Variants in MIPOL1 observed in about 807,000 individuals in gnomAD.
MIPOL1 encodes the protein mirror-image polydactyly 1, also known as mirror-image polydactyly gene 1 protein.
In MIPOL1, 57 loss-of-function variants were observed where a neutral mutation model predicts 60.9. The ratio of observed to expected loss-of-function variants is 0.94; its 90% CI spans 0.76 to 1.17. The LOEUF (loss-of-function observed/expected upper bound fraction) is 1.17, where lower values mean the gene tolerates loss of function less well. Among genes scored for constraint, MIPOL1 ranks in the 50% most tolerant of loss-of-function variants. The probability of loss-of-function intolerance (pLI) is 0.00; values close to 1 mark genes in which losing one functional copy is unlikely to be tolerated. For synonymous variants in MIPOL1, 179 were observed against 168.8 expected (o/e 1.06, Z -0.47); for missense variants, 551 against 511.6 (o/e 1.08, Z -0.74).
At chr14:37,336,448 G>C (rs905937720) in intron 9 of MIPOL1, among the ~76,000 whole-genome samples, 1 of 150,100 alleles carries the variant, frequency 6.7e-6, no homozygotes, top group African/African-American at 2.4e-5. Flanking sequence ...TTCCAGCTAT[G>C]TCTATTCCAC....
At chr14:37,286,587 T>A (rs2084584835) in intron 7 of MIPOL1, among the ~76,000 whole-genome samples, 2 of 152,304 alleles carry the variant, frequency 1.3e-5, no homozygotes, top group South Asian at 4.2e-4. Flanking sequence ...TGTCCTAGGC[T>A]CTGTGGAGGA....
intron 1 of MIPOL1, among the ~76,000 whole-genome samples, chr14:37,209,995 C>A (rs1003711251): frequency 3.3e-5 from 5 of 152,024 alleles, no homozygotes; most frequent in African/African-American, 1.2e-4. Flanking sequence ...TGGTGTGAGC[C>A]ACTGCACCCT....
intron 11 of MIPOL1, among the ~76,000 whole-genome samples, chr14:37,437,740 A>T (rs922928699): frequency 2.0e-5 from 3 of 152,170 alleles, no homozygotes; most frequent in Non-Finnish European, 4.4e-5. Flanking sequence ...AATTGTAATT[A>T]TACCTGCCTC....
intron 11 of MIPOL1, among the ~76,000 whole-genome samples, chr14:37,485,253 T>TC (rs2094929868): frequency 1.3e-5 from 2 of 152,224 alleles, no homozygotes; most frequent in African/African-American, 4.8e-5. Context: ...TTGGGTTGAT[T>TC]CCAAGTCTTT....
chr14:37,468,498 T>C (rs1220294153), intron 11 of MIPOL1, among the ~76,000 whole-genome samples: 6 of 152,324 alleles, frequency 3.9e-5, no homozygotes, highest in South Asian at 2.1e-4. Context: ...GTAATCCACA[T>C]TGGTTAACGA....
At chr14:37,321,872 G>A (rs1375146792) in intron 9 of MIPOL1, among the ~76,000 whole-genome samples, 4 of 151,726 alleles carry the variant, frequency 2.6e-5, no homozygotes, top group Non-Finnish European at 5.9e-5. Context: ...TTATATATCT[G>A]AATGTTATAT....
intron 1 of MIPOL1, among the ~76,000 whole-genome samples, chr14:37,218,944 A>T (rs571584738): frequency 1.3e-5 from 2 of 150,210 alleles, no homozygotes; most frequent in Non-Finnish European, 1.5e-5. Context: ...AAAAAAAAAG[A>T]AAAAAGAAAA....
At chr14:37,262,776 T>C (rs1286585879) in intron 3 of MIPOL1, among the ~76,000 whole-genome samples, 4 of 152,196 alleles carry the variant, frequency 2.6e-5, no homozygotes, top group Non-Finnish European at 4.4e-5. Context: ...GGGATGTTGC[T>C]ATTCTGAGTA....
chr14:37,355,513 G>C (rs1286656905), intron 9 of MIPOL1, among the ~76,000 whole-genome samples: 1 of 151,178 alleles, frequency 6.6e-6, no homozygotes, highest in Non-Finnish European at 1.5e-5. Flanking sequence ...TTCCAACTTG[G>C]TTCCATTCTC....
chr14:37,270,504 A>G lies in MIPOL1; in HGVS notation c.472A>G (p.Lys158Glu), dbSNP rs1365861267. ...ACTCCAAGAGAAAGAAACAGAAGCT[A>G]AAATTGCTGAAAAGACAGCAGGTAT... ...LELQEKETEAKIAEKTAALVE... is the reference protein window; with the variant it reads ...LELQEKETEAEIAEKTAALVE... The change falls in exon 6 of 13, where the codon AAA becomes GAA. Residue 158 changes from lysine (K) to glutamate (E), a missense_variant. Coordinates refer to ENST00000684589, the MANE Select transcript of MIPOL1 (RefSeq NM_001388067.1). 2 of 1,596,478 alleles carry G rather than the reference A, an allele frequency of 1.3e-6. No individual in the cohort carries two copies. Among genetic ancestry groups the G allele is most frequent in the African/African-American group, 2.7e-5 (2 of 74,086 alleles).
At chr14:37,507,547 C>G (rs2095289366) in intron 12 of MIPOL1, 1 of 152,074 alleles carries the variant, frequency 6.6e-6, no homozygotes. Flanking sequence ...AGGTGTGAAT[C>G]AAACTATGAG....
intron 3 of MIPOL1, among the ~76,000 whole-genome samples, chr14:37,257,385 A>G (rs1975138039): frequency 6.6e-6 from 1 of 152,070 alleles, no homozygotes; most frequent in Non-Finnish European, 1.5e-5. Context: ...AACAGTTTTA[A>G]TGATGCCTCC....
intron 6 of MIPOL1, among the ~76,000 whole-genome samples, chr14:37,275,976 G>C (rs2083630063): frequency 1.3e-5 from 2 of 151,060 alleles, no homozygotes; most frequent in South Asian, 2.1e-4. Flanking sequence ...GAGAAATCCA[G>C]GTTCCTGATA....
intron 12 of MIPOL1, chr14:37,504,256 C>A (rs542202050): frequency 3.9e-5 from 6 of 152,142 alleles, no homozygotes; most frequent in Non-Finnish European, 8.8e-5. Context: ...CCAAGCAGAC[C>A]TAATAGACAT....
chr14:37,244,817 A>G (rs1972932593), intron 1 of MIPOL1, among the ~76,000 whole-genome samples: 1 of 152,156 alleles, frequency 6.6e-6, no homozygotes, highest in African/African-American at 2.4e-5. Context: ...AAGGACAGAA[A>G]TTAGTATTTT....
intron 1 of MIPOL1, among the ~76,000 whole-genome samples, chr14:37,218,745 TAG>T (rs1308568689): frequency 2.6e-5 from 4 of 151,950 alleles, no homozygotes; most frequent in African/African-American, 9.6e-5. Flanking sequence ...AAGACCAGCA[TAG>T]GCAACATGAA....
intron 11 of MIPOL1, among the ~76,000 whole-genome samples, chr14:37,480,815 AAAAC>A (rs1009032642): frequency 6.6e-5 from 10 of 152,134 alleles, no homozygotes; most frequent in East Asian, 1.9e-4. Context: ...ACTCCACAAA[AAAAC>A]AAACAAACAA....
At chr14:37,245,944 A>G (rs1201731596) in intron 1 of MIPOL1, among the ~76,000 whole-genome samples, 3 of 152,114 alleles carry the variant, frequency 2.0e-5, no homozygotes, top group Non-Finnish European at 2.9e-5. Context: ...AAGAAGGTAA[A>G]ATGTTGGGAA....
chr14:37,472,615 A>G (rs181469632), intron 11 of MIPOL1, among the ~76,000 whole-genome samples: 2 of 152,272 alleles, frequency 1.3e-5, no homozygotes, highest in Non-Finnish European at 1.5e-5. Context: ...TGTAAAGATA[A>G]TTTTATCTAG....
Sources: gnomAD v4.1 joint callset for allele counts (sites outside exome capture counted in the v4.1 genomes callset) on GRCh38, gnomAD v4.1.1 for gene constraint, MANE v1.5 for transcripts, NCBI Gene and HGNC (gene_info 2026-07-23, HGNC 2026-07-21) for gene names.